The following AP3B1 variants were observed in gnomAD, a reference collection of about 807,000 sequenced individuals.
AP3B1 encodes the protein AP-3 complex subunit beta-1.
Under a neutral mutation model 132.5 loss-of-function variants are expected in AP3B1, and 61 were observed. The observed-to-expected ratio is 0.46, with a 90% CI of 0.37 to 0.57. The LOEUF (loss-of-function observed/expected upper bound fraction) is 0.57. Among genes scored for constraint, AP3B1 ranks in the 20% least tolerant of loss-of-function variants. The pLI, the probability that AP3B1 is intolerant of heterozygous loss-of-function variation, is 0.00. For missense variants in AP3B1, 1,120 were observed against 1,289.4 expected, an observed-to-expected ratio of 0.87 and a Z score of 2.01; for synonymous variants, 388 against 438.3, an observed-to-expected ratio of 0.89 and a Z score of 1.43.
chr5:78,267,675 T>C, intron 1 of AP3B1, 80 bp from the exon 2 acceptor site: 1 of 880,280 alleles, frequency 1.1e-6, no homozygotes, highest in South Asian at 1.5e-5. Flanking sequence ...TTCATAAGAA[T>C]TAGAAGTAAT....
At chr5:78,024,070 T>C (rs1460958394) in intron 24 of AP3B1, among the ~76,000 whole-genome samples, 1 of 152,044 alleles carries the variant, frequency 6.6e-6, no homozygotes, top group Admixed American at 6.6e-5. Context: ...GGATACTTCT[T>C]TGGAAACAGC....
chr5:78,235,093 T>G (rs1399580860), intron 3 of AP3B1, among the ~76,000 whole-genome samples: 1 of 152,088 alleles, frequency 6.6e-6, no homozygotes, highest in East Asian at 1.9e-4. Flanking sequence ...ACTCCTGGGC[T>G]CAAGAGAGAC....
rs112766092 is a variant in AP3B1, at chr5:78,114,017, G to C, written c.2078-94C>G. On this transcript the variant is annotated intron_variant, in intron 18 of 26. Transcript: ENST00000255194. ...TCAATATTCATCACAAATGAAACCAGATGTTGAATTTTAGTTCAGTGGACA... is the reference window on the plus strand; with the variant it reads ...TCAATATTCATCACAAATGAAACCACATGTTGAATTTTAGTTCAGTGGACA... 4 of 1,422,908 alleles carry C rather than the reference G, an allele frequency of 2.8e-6. No individual in the cohort carries two copies. The Admixed American group carries it at 6.1e-5, about 22-fold the overall frequency. The allele number at this position is 1,422,908 out of a possible 1,614,324, so 88.1% of individuals were successfully genotyped here. A position where few individuals can be genotyped will look rare whatever the true frequency, so the allele number is the denominator to read the frequency against.
chr5:78,256,854 G>C (rs1747868739), intron 2 of AP3B1, among the ~76,000 whole-genome samples: 1 of 152,090 alleles, frequency 6.6e-6, no homozygotes, highest in Non-Finnish European at 1.5e-5. Flanking sequence ...GGGATGCAAG[G>C]ATGCTTCAAC....
intron 7 of AP3B1, among the ~76,000 whole-genome samples, chr5:78,192,696 A>C (rs1180397554): frequency 6.6e-6 from 1 of 152,216 alleles, no homozygotes; most frequent in African/African-American, 2.4e-5. Context: ...GTATTAGGAT[A>C]GGAGATGGGG....
chr5:78,127,294 A>G (rs937120574), intron 17 of AP3B1, among the ~76,000 whole-genome samples: 2 of 152,180 alleles, frequency 1.3e-5, no homozygotes, highest in Non-Finnish European at 2.9e-5. Context: ...ACAATTCTTA[A>G]CTGCTTTTTT....
At position 78,035,389 on chromosome 5, in the gene AP3B1, A is replaced by G. The variant is rs1031072820; in HGVS notation, c.2810-944T>C. ...TTATATTTAGCTTTATCTATTCTCT[A>G]TACATCCTATCACACGTAGTTATAT... On this transcript the variant is annotated intron_variant, in intron 23 of 26. Coordinates refer to ENST00000255194, the MANE Select transcript of AP3B1 (RefSeq NM_003664.5). 3.3e-5 allele frequency among the ~76,000 whole-genome samples: 5 copies of G among 151,962 alleles called. No homozygotes were observed. In the East Asian group the frequency reaches 9.6e-4, roughly 29 times the overall value.
chr5:78,096,948 G>A (rs1376664108), intron 21 of AP3B1, among the ~76,000 whole-genome samples: 2 of 143,238 alleles, frequency 1.4e-5, no homozygotes. Context: ...CCTCTGCCCA[G>A]CCGCCCCTAC....
chr5:78,236,204 T>C (rs1746872169), intron 3 of AP3B1, among the ~76,000 whole-genome samples: 1 of 152,196 alleles, frequency 6.6e-6, no homozygotes, highest in Non-Finnish European at 1.5e-5. Flanking sequence ...CTCCTACTGA[T>C]AACTATTTGA....
At chr5:78,162,620 C>T (rs1743432318) in intron 13 of AP3B1, among the ~76,000 whole-genome samples, 199 bp downstream of exon 13, 1 of 151,486 alleles carries the variant, frequency 6.6e-6, no homozygotes, top group Non-Finnish European at 1.5e-5. Context: ...TAGTTAATGG[C>T]CTATTTTACT....
At chr5:78,010,315 T>C (rs977086230) in intron 26 of AP3B1, among the ~76,000 whole-genome samples, 3 of 152,212 alleles carry the variant, frequency 2.0e-5, no homozygotes, top group Non-Finnish European at 4.4e-5. Flanking sequence ...CCTCAAACTG[T>C]GGACTTCGGA....
intron 3 of AP3B1, among the ~76,000 whole-genome samples, chr5:78,239,557 T>A (rs1026023804): frequency 6.6e-6 from 1 of 151,210 alleles, no homozygotes; most frequent in African/African-American, 2.4e-5. Flanking sequence ...GTAGATTGCT[T>A]GAGCTCAGGA....
At chr5:78,292,697 C>T (rs914355977) in intron 1 of AP3B1, among the ~76,000 whole-genome samples, 6 of 152,108 alleles carry the variant, frequency 3.9e-5, no homozygotes, top group South Asian at 2.1e-4. Context: ...AAATATCTTT[C>T]GGGGAACACA....
rs549453688 is a variant in AP3B1 at position 78,208,377 on chromosome 5, C to T, written c.786+7678G>A. On this transcript the variant is annotated intron_variant, in intron 7 of 26. Transcript: ENST00000255194. The stretch of plus-strand genomic sequence containing the variant: ...ATAAAATGAAAAGTTGCCCCAAACA[C>T]TTTGTTTTTCAGCTCTGCCCACCCC... 2.6e-5 allele frequency among the ~76,000 whole-genome samples: 4 copies of T among 152,246 alleles called. 1 individual carries two copies. In the South Asian group the frequency reaches 8.3e-4, roughly 32 times the overall value.
intron 1 of AP3B1, among the ~76,000 whole-genome samples, chr5:78,291,017 A>C (rs2112600340): frequency 6.6e-6 from 1 of 152,326 alleles, no homozygotes; most frequent in African/African-American, 2.4e-5. Context: ...AAAATCTTGA[A>C]GCCAATAATC....
intron 1 of AP3B1, among the ~76,000 whole-genome samples, chr5:78,267,796 C>A (rs1748389249): frequency 6.6e-6 from 1 of 152,144 alleles, no homozygotes; most frequent in South Asian, 2.1e-4. Context: ...TACTCCCAGG[C>A]ATTAATTGTG....
intron 1 of AP3B1, among the ~76,000 whole-genome samples, chr5:78,279,960 C>T (rs1748981271): frequency 3.6e-5 from 5 of 139,644 alleles, no homozygotes; most frequent in Middle Eastern, 4.1e-3. Flanking sequence ...CACCTGTGGG[C>T]CCAGCTACTC....
At chr5:78,139,333 G>A (rs1293645245) in intron 15 of AP3B1, among the ~76,000 whole-genome samples, 1 of 152,068 alleles carries the variant, frequency 6.6e-6, no homozygotes, top group African/African-American at 2.4e-5. Flanking sequence ...ATACCACAGG[G>A]ATTTAGTGAA....
intron 22 of AP3B1, among the ~76,000 whole-genome samples, chr5:78,050,310 G>T (rs890206172): frequency 6.6e-6 from 1 of 151,950 alleles, no homozygotes; most frequent in African/African-American, 2.4e-5. Context: ...TTTATTACCT[G>T]TCTTCCCATC....
Sources: gnomAD v4.1 joint callset for allele counts (sites outside exome capture counted in the v4.1 genomes callset) on GRCh38, gnomAD v4.1.1 for gene constraint, MANE v1.5 for transcripts, NCBI Gene and HGNC (gene_info 2026-07-23, HGNC 2026-07-21) for gene names.